Variants in TMEM131 observed in about 807,000 individuals in gnomAD.
TMEM131 encodes 2610524E03Rik.
TMEM131 carries 66 observed loss-of-function variants against 211.6 expected under a neutral mutation model. The observed-to-expected ratio is 0.31, with a 90% CI of 0.26 to 0.38. The LOEUF (loss-of-function observed/expected upper bound fraction) is 0.38, where lower values mean the gene tolerates loss of function less well. Ranked by LOEUF, TMEM131 falls within the 10% of genes least tolerant of loss-of-function variation. The probability of loss-of-function intolerance (pLI) is 1.00; values close to 1 mark genes in which losing one functional copy is unlikely to be tolerated. For missense variants in TMEM131, 2,036 were observed against 2,299.3 expected (o/e 0.89, Z 2.34); for synonymous variants, 844 against 841.3 (o/e 1.00, Z -0.06).
intron 11 of TMEM131, among the ~76,000 whole-genome samples, chr2:97,822,960 G>A (rs566149641): frequency 2.0e-5 from 3 of 152,142 alleles, no homozygotes; most frequent in African/African-American, 7.2e-5. Context: ...CTCTCTGATG[G>A]GGAAAATGGC....
intron 30 of TMEM131, 34 bp downstream of exon 30, chr2:97,793,361 C>A: frequency 1.3e-6 from 2 of 1,587,910 alleles, no homozygotes; most frequent in Non-Finnish European, 1.7e-6. Flanking sequence ...AATCTATGTA[C>A]ACTAGGGAAT....
chr2:97,760,700 G>T lies in TMEM131; in HGVS notation c.5012-11C>A. ...CAAAGCCATTCCCACCTGTAACAAT[G>T]GACGTTCAATCAATGGAAGGCACAT... On this transcript the variant is annotated splice_polypyrimidine_tract_variant and intron_variant, in intron 37 of 40. Coordinates refer to ENST00000186436, the MANE Select transcript of TMEM131 (RefSeq NM_015348.2). 1 of 1,613,960 alleles carries T rather than the reference G, an allele frequency of 6.2e-7. No individual in the cohort carries two copies. Among genetic ancestry groups the T allele is most frequent in the East Asian group, 2.2e-5 (1 of 44,874 alleles).
chr2:97,958,043 C>T (rs1000239355), intron 1 of TMEM131, among the ~76,000 whole-genome samples: 2 of 152,028 alleles, frequency 1.3e-5, no homozygotes, highest in Non-Finnish European at 2.9e-5. Context: ...CAGGTGAACA[C>T]GGAGGTTAAG....
At chr2:97,909,130 T>C (rs1676193845) in intron 2 of TMEM131, among the ~76,000 whole-genome samples, 1 of 152,034 alleles carries the variant, frequency 6.6e-6, no homozygotes, top group Admixed American at 6.6e-5. Context: ...TATCAAAATA[T>C]TGAAAAGGTG....
In TMEM131 at chr2:97,776,014, T is replaced by C; in HGVS notation, c.4149A>G (p.Lys1383=). 1 of 1,605,458 alleles carries C rather than the reference T, an allele frequency of 6.2e-7. No homozygotes were observed. Among genetic ancestry groups the C allele is most frequent in the Non-Finnish European group, 8.5e-7 (1 of 1,177,472 alleles). ...TCACCTTGCGCTGAAGAGGTTTTCC[T>C]TTCCCTGAGGATAAAAATTAAAGTA... ...PPSPLPKSKG[K]GKPLQRKVKP... Residue 1383 remains lysine, a synonymous_variant, in exon 32 of 41, where the codon AAA becomes AAG. Transcript: ENST00000186436.
rs560836714 is a variant in TMEM131, at chr2:97,840,272, G to A, written c.723+1543C>T. On this transcript the variant is annotated intron_variant, in intron 7 of 40. Coordinates refer to ENST00000186436, the MANE Select transcript of TMEM131 (RefSeq NM_015348.2). The stretch of plus-strand genomic sequence containing the variant: ...CCAAAGGCTGAAGAGAAAAGGTACA[G>A]ACTGTAAGGCAACTCTGGCAATTGT... Among the ~76,000 whole-genome samples the A allele has an allele frequency of 5.9e-5, 9 of 152,364 alleles. No individual in the cohort carries two copies. In the East Asian group the frequency reaches 1.7e-3, roughly 29 times the overall value.
chr2:97,761,114 G>GT (rs1678817959), intron 36 of TMEM131, 200 bp from the exon 37 acceptor site: 1 of 617,264 alleles, frequency 1.6e-6, no homozygotes, highest in Non-Finnish European at 2.8e-6. Context: ...CTGGAGAAAG[G>GT]TAAGAAAACA....
At chr2:97,771,490 T>C (rs1259914883) in intron 33 of TMEM131, among the ~76,000 whole-genome samples, 3 of 152,198 alleles carry the variant, frequency 2.0e-5, no homozygotes, top group Non-Finnish European at 4.4e-5. Flanking sequence ...AGACAAGCCA[T>C]GTCTTCCTTT....
chr2:97,991,674 C>T (rs560855912), intron 1 of TMEM131, among the ~76,000 whole-genome samples: 20 of 152,222 alleles, frequency 1.3e-4, no homozygotes, highest in Admixed American at 2.6e-4. Context: ...ATGCCAGATG[C>T]TGCTTACAAG....
intron 12 of TMEM131, 119 bp from the exon 13 acceptor site, chr2:97,815,426 C>G (rs966652415): frequency 3.1e-5 from 17 of 552,656 alleles, no homozygotes; most frequent in Non-Finnish European, 4.9e-5. Context: ...AATTGGCCAA[C>G]AGAACACTTT....
chr2:97,758,131 C>CAAAAA (rs539032323), intron 40 of TMEM131, among the ~76,000 whole-genome samples: 1 of 86,018 alleles, frequency 1.2e-5, no homozygotes. Flanking sequence ...GACTCTGTCT[C>CAAAAA]AAAAAAAAAA....
chr2:97,885,710 T>C (rs1378295168), intron 4 of TMEM131, among the ~76,000 whole-genome samples: 3 of 152,156 alleles, frequency 2.0e-5, no homozygotes, highest in African/African-American at 7.2e-5. Flanking sequence ...TTAGAATTCT[T>C]TGCCTTTAAC....
At chr2:97,943,537 A>G (rs922210654) in intron 1 of TMEM131, among the ~76,000 whole-genome samples, 5 of 152,218 alleles carry the variant, frequency 3.3e-5, no homozygotes, top group African/African-American at 7.2e-5. Context: ...AAATAGAAAG[A>G]TATCTGGTAT....
intron 3 of TMEM131, among the ~76,000 whole-genome samples, chr2:97,908,099 G>A (rs1169757498): frequency 2.0e-5 from 3 of 152,176 alleles, no homozygotes; most frequent in Admixed American, 6.6e-5. Flanking sequence ...CTTTACAGAT[G>A]TGAGAAGGTA....
chr2:97,914,139 C>T (rs1412083864), intron 2 of TMEM131, among the ~76,000 whole-genome samples: 3 of 152,116 alleles, frequency 2.0e-5, no homozygotes, highest in Non-Finnish European at 4.4e-5. Context: ...GAATTTTTAA[C>T]TCACAAAAGG....
At chr2:97,876,644 T>C (rs1674708132) in intron 4 of TMEM131, among the ~76,000 whole-genome samples, 1 of 152,144 alleles carries the variant, frequency 6.6e-6, no homozygotes, top group Admixed American at 6.5e-5. Context: ...TTCAACAAAA[T>C]TCAACACTCC....
chr2:97,944,682 T>C (rs1677951138), intron 1 of TMEM131, among the ~76,000 whole-genome samples: 1 of 152,022 alleles, frequency 6.6e-6, no homozygotes. Context: ...CAAAGATACA[T>C]AAACGGACAA....
At chr2:97,767,466 A>G (rs914488825) in intron 33 of TMEM131, among the ~76,000 whole-genome samples, 5 of 152,248 alleles carry the variant, frequency 3.3e-5, no homozygotes, top group South Asian at 4.1e-4. Context: ...AATGCCCACC[A>G]AGACCATGTC....
At chr2:97,778,144 G>A (rs984186602) in intron 31 of TMEM131, among the ~76,000 whole-genome samples, 1 of 152,128 alleles carries the variant, frequency 6.6e-6, no homozygotes, top group Non-Finnish European at 1.5e-5. Flanking sequence ...ACAATAACCT[G>A]AAACTTCCAT....
Sources: gnomAD v4.1 joint callset for allele counts (sites outside exome capture counted in the v4.1 genomes callset) on GRCh38, gnomAD v4.1.1 for gene constraint, MANE v1.5 for transcripts, NCBI Gene and HGNC (gene_info 2026-07-23, HGNC 2026-07-21) for gene names.